The following PCDH15 variants were observed in gnomAD, a reference collection of about 807,000 sequenced individuals.
PCDH15 encodes the protein protocadherin related 15, also known as protocadherin-15.
Under a neutral mutation model 178.5 loss-of-function variants are expected in PCDH15, and 129 were observed. That is an observed-to-expected ratio of 0.72 (90% CI 0.63 to 0.84). PCDH15 has a LOEUF of 0.84. Among genes scored for constraint, PCDH15 ranks in the 40% least tolerant of loss-of-function variants. PCDH15 has a pLI of 0.00. For missense variants in PCDH15, 2,230 were observed against 2,099.9 expected, an observed-to-expected ratio of 1.06 and a Z score of -1.21; for synonymous variants, 800 against 732.0, an observed-to-expected ratio of 1.09 and a Z score of -1.50.
intron 5 of PCDH15, among the ~76,000 whole-genome samples, chr10:54,349,838 C>G (rs1361166697): frequency 6.6e-6 from 1 of 152,042 alleles, no homozygotes; most frequent in South Asian, 2.1e-4. Context: ...AAGCTTAATC[C>G]AAAGAGTAAT....
At chr10:54,307,055 T>C (rs1390070936) in intron 8 of PCDH15, among the ~76,000 whole-genome samples, 1 of 8,766 alleles carries the variant, frequency 1.1e-4, no homozygotes, top group East Asian at 3.5e-3. Context: ...TATATATATA[T>C]ATATATATAT....
chr10:55,461,828 C>T (rs888125106), intron 2 of PCDH15, among the ~76,000 whole-genome samples: 6 of 151,990 alleles, frequency 3.9e-5, no homozygotes, highest in African/African-American at 1.4e-4. Context: ...ACAGAAAACC[C>T]ACCAGACAAT....
At chr10:55,547,055 A>T (rs1477151372) in intron 2 of PCDH15, among the ~76,000 whole-genome samples, 3 of 152,152 alleles carry the variant, frequency 2.0e-5, no homozygotes, top group Admixed American at 1.3e-4. Flanking sequence ...CAGAACAAAG[A>T]ATACCCATTA....
chr10:54,797,507 A>AACAC (rs71014418), intron 1 of PCDH15, among the ~76,000 whole-genome samples: 6,010 of 145,174 alleles, frequency 0.041, 168 homozygotes, highest in African/African-American at 0.077. Flanking sequence ...TTATTGTTGA[A>AACAC]ACACACACAC....
At chr10:54,051,696 C>T (rs763164662) in intron 18 of PCDH15, among the ~76,000 whole-genome samples, 3 of 152,190 alleles carry the variant, frequency 2.0e-5, no homozygotes, top group African/African-American at 4.8e-5. Context: ...TTCAAGCCTG[C>T]TGCAGAAATT....
intron 2 of PCDH15, among the ~76,000 whole-genome samples, chr10:54,564,383 C>T (rs573657819): frequency 1.4e-4 from 21 of 152,044 alleles, no homozygotes; most frequent in African/African-American, 2.2e-4. Context: ...CTTACATTAA[C>T]GGAATTTTAT....
intron 2 of PCDH15, among the ~76,000 whole-genome samples, chr10:54,962,388 T>C (rs966283292): frequency 3.3e-5 from 5 of 152,008 alleles, no homozygotes; most frequent in African/African-American, 1.2e-4. Flanking sequence ...AGCTGTAACA[T>C]AAATGGGCTG....
rs575873605 is a variant in PCDH15 at position 53,908,098 on chromosome 10, C to CT, written c.3374-4729dup. 5.6e-3 allele frequency among the ~76,000 whole-genome samples: 848 copies of CT among 152,248 alleles called. 10 individuals are homozygous for CT. Among genetic ancestry groups the CT allele is most frequent in the African/African-American group, 0.019 (794 of 41,546 alleles). ...AAGAAGCCAATGAGTTAAAAGTGTT[C>CT]TCAACTGGGATCAATTTGGCTGCTC... On this transcript the variant is annotated intron_variant, in intron 25 of 37. Coordinates refer to ENST00000644397, the MANE Select transcript of PCDH15 (RefSeq NM_001384140.1).
chr10:55,199,487 TC>T (rs1840181667), intron 1 of PCDH15, among the ~76,000 whole-genome samples: 1 of 151,792 alleles, frequency 6.6e-6, no homozygotes, highest in Admixed American at 6.6e-5. Context: ...GGGAATGAGA[TC>T]ATAAAAGTTT....
chr10:53,929,064 A>G (rs2610844), intron 25 of PCDH15, among the ~76,000 whole-genome samples: 7,123 of 152,110 alleles, frequency 0.047, 514 homozygotes, highest in African/African-American at 0.16. Context: ...ATTTTTTCTC[A>G]TATATGCAGA....
chr10:54,949,147 T>A (rs1199625577), intron 2 of PCDH15, among the ~76,000 whole-genome samples: 3 of 151,960 alleles, frequency 2.0e-5, no homozygotes, highest in African/African-American at 7.2e-5. Context: ...TAACTTTATG[T>A]ATTAGTCCAT....
chr10:54,040,370 T>A (rs2093516163), intron 18 of PCDH15, among the ~76,000 whole-genome samples: 1 of 151,960 alleles, frequency 6.6e-6, no homozygotes, highest in Non-Finnish European at 1.5e-5. Context: ...GGTTTCCCCT[T>A]TGCTTGGCTC....
intron 3 of PCDH15, among the ~76,000 whole-genome samples, chr10:54,434,117 T>A (rs2075216997): frequency 6.6e-6 from 1 of 152,116 alleles, no homozygotes; most frequent in African/African-American, 2.4e-5. Context: ...AACAAGGATA[T>A]AAAGAAAGAA....
rs11004310 is a variant in PCDH15 at position 54,443,367 on chromosome 10, G to T, written c.158-64425C>A. On this transcript the variant is annotated intron_variant, in intron 3 of 37. Coordinates refer to ENST00000644397, the MANE Select transcript of PCDH15 (RefSeq NM_001384140.1). ...TTCGGAAGCCCCTGGGAAATGGGAA[G>T]TTTTTTTTCATATTAGATGTTGGTA... 1.4e-3 allele frequency among the ~76,000 whole-genome samples: 217 copies of T among 151,192 alleles called. 1 individual carries two copies. The highest frequency in any genetic ancestry group is 2.5e-3 in the Non-Finnish European group (172 of 67,604).
intron 2 of PCDH15, among the ~76,000 whole-genome samples, chr10:54,662,151 A>G (rs150075975): frequency 3.0e-4 from 45 of 152,036 alleles, no homozygotes; most frequent in Middle Eastern, 3.4e-3. Flanking sequence ...TGCAAGTAAT[A>G]TATCTGACAA....
chr10:54,320,619 T>C (rs857383), intron 7 of PCDH15, among the ~76,000 whole-genome samples: 278 of 152,216 alleles, frequency 1.8e-3, no homozygotes, highest in African/African-American at 6.5e-3. Context: ...CTTGCCACTT[T>C]TTTAATACTG....
In PCDH15 at chr10:55,420,057, G is replaced by A. The variant is rs537263267; in HGVS notation, c.-156+207568C>T. Among the ~76,000 whole-genome samples, 6 of 151,668 alleles carry A rather than the reference G, an allele frequency of 4.0e-5. No individual in the cohort carries two copies. In the East Asian group the frequency reaches 1.2e-3, roughly 29 times the overall value. Reference sequence around the variant, plus strand: ...CTCGAAAATCCGCTGGGTAGATGAGGGTTGACTGATCTAAACTGGGCTTGC... The same window carrying A: ...CTCGAAAATCCGCTGGGTAGATGAGAGTTGACTGATCTAAACTGGGCTTGC... On this transcript the variant is annotated intron_variant, in intron 2 of 5. Transcript: ENST00000613346.
chr10:54,365,038 T>C (rs1165776734), intron 5 of PCDH15, among the ~76,000 whole-genome samples: 3 of 152,110 alleles, frequency 2.0e-5, no homozygotes, highest in African/African-American at 7.2e-5. Flanking sequence ...TTCCCTTGCC[T>C]CTCTCTGACT....
chr10:54,380,670 TG>T (rs1401014111), intron 3 of PCDH15, among the ~76,000 whole-genome samples: 286 of 35,146 alleles, frequency 8.1e-3, no homozygotes, highest in African/African-American at 0.022. Flanking sequence ...TATATATATA[TG>T]CTCCATATAT....
Sources: allele counts gnomAD v4.1 joint callset (sites outside exome capture counted in the v4.1 genomes callset), GRCh38; gene constraint gnomAD v4.1.1; transcripts MANE v1.5; gene names NCBI Gene and HGNC (gene_info 2026-07-23, HGNC 2026-07-21).